Variants in DPYSL3 observed in about 807,000 individuals in gnomAD.
DPYSL3 encodes dihydropyrimidinase-related protein 3.
DPYSL3 carries 16 observed loss-of-function variants against 66.1 expected under a neutral mutation model. The ratio of observed to expected loss-of-function variants is 0.24; its 90% CI spans 0.16 to 0.37. The LOEUF (loss-of-function observed/expected upper bound fraction) is 0.37, where lower values mean the gene tolerates loss of function less well. DPYSL3 is among the 10% of genes least tolerant of loss of function. The probability of loss-of-function intolerance (pLI) is 1.00; values close to 1 mark genes in which losing one functional copy is unlikely to be tolerated. For missense variants in DPYSL3, 738 were observed against 916.2 expected, an observed-to-expected ratio of 0.81 and a Z score of 2.51; for synonymous variants, 338 against 345.1, an observed-to-expected ratio of 0.98 and a Z score of 0.23.
At chr5:147,471,871 T>G (rs545324849) in intron 1 of DPYSL3, among the ~76,000 whole-genome samples, 20 of 152,196 alleles carry the variant, frequency 1.3e-4, no homozygotes, top group African/African-American at 1.7e-4. Flanking sequence ...TATGCTTGCC[T>G]GCCATATGCC....
chr5:147,425,181 C>T (rs566404439), intron 1 of DPYSL3, among the ~76,000 whole-genome samples: 12 of 152,172 alleles, frequency 7.9e-5, no homozygotes, highest in Non-Finnish European at 1.6e-4. Flanking sequence ...TAGGGTTTCA[C>T]CTCTTGCTTC....
intron 1 of DPYSL3, among the ~76,000 whole-genome samples, chr5:147,478,323 G>C (rs1753189768): frequency 6.6e-6 from 1 of 152,176 alleles, no homozygotes; most frequent in African/African-American, 2.4e-5. Flanking sequence ...AGTTTTTTAA[G>C]CTGGGCACAT....
intron 1 of DPYSL3, among the ~76,000 whole-genome samples, chr5:147,497,331 C>T (rs1252998557): frequency 1.3e-5 from 2 of 151,902 alleles, no homozygotes; most frequent in African/African-American, 4.8e-5. Context: ...AGCATACCAG[C>T]ATGGCACATG....
At chr5:147,403,149 T>G (rs1343882719) in intron 8 of DPYSL3, among the ~76,000 whole-genome samples, 5 of 152,156 alleles carry the variant, frequency 3.3e-5, no homozygotes, top group Admixed American at 1.3e-4. Flanking sequence ...TAATTAGTAA[T>G]GTCTGCCATA....
rs532909454 is a variant in DPYSL3, at chr5:147,404,640, G to A, written c.1153+970C>T. Among the ~76,000 whole-genome samples the A allele has an allele frequency of 3.3e-5, 5 of 152,274 alleles. No homozygotes were observed. In the East Asian group the frequency reaches 5.8e-4, roughly 18 times the overall value. On this transcript the variant is annotated intron_variant, in intron 8 of 13. Coordinates refer to ENST00000343218, the MANE Select transcript of DPYSL3 (RefSeq NM_001197294.2). ...TACCCAGCCTCACAACTGAGCCCAC[G>A]AGTCTGACACTGAGGATGAGAACCA...
chr5:147,481,825 G>T (rs991067186), intron 1 of DPYSL3, among the ~76,000 whole-genome samples: 1 of 152,136 alleles, frequency 6.6e-6, no homozygotes, highest in African/African-American at 2.4e-5. Flanking sequence ...AGACATTCCA[G>T]GTTCCAGAAT....
At position 147,405,671 on chromosome 5, in the gene DPYSL3, G is replaced by C. The variant is rs1758308280; in HGVS notation, c.1092C>G (p.Leu364=). 2.5e-6 allele frequency: 4 copies of C among 1,614,120 alleles called. No individual in the cohort carries two copies. The highest frequency in any genetic ancestry group is 2.5e-6 in the Non-Finnish European group (3 of 1,179,992). Residue 364 remains leucine, a synonymous_variant, in exon 8 of 14, where the codon CTC becomes CTG. Coordinates refer to ENST00000343218, the MANE Select transcript of DPYSL3 (RefSeq NM_001197294.2). Reference sequence around the variant, plus strand: ...TCTTGCTCATGACCTTTGTGACGTAGAGAGGGCAATTGGTTTGGCTGGCAA... The same window carrying C: ...TCTTGCTCATGACCTTTGTGACGTACAGAGGGCAATTGGTTTGGCTGGCAA... ...ITIASQTNCP[L]YVTKVMSKSA...
intron 6 of DPYSL3, 89 bp from the exon 7 acceptor site, chr5:147,408,885 G>A: frequency 7.9e-7 from 1 of 1,267,140 alleles, no homozygotes. Context: ...AAGATCTAAA[G>A]AATAAATATG....
intron 1 of DPYSL3, among the ~76,000 whole-genome samples, chr5:147,451,937 T>C (rs749656792): frequency 4.6e-5 from 7 of 152,128 alleles, no homozygotes; most frequent in Non-Finnish European, 7.3e-5. Flanking sequence ...AGACCCACGA[T>C]GTTTCTTCAA....
chr5:147,482,020 A>G (rs1263561286), intron 1 of DPYSL3, among the ~76,000 whole-genome samples: 1 of 152,206 alleles, frequency 6.6e-6, no homozygotes, highest in Non-Finnish European at 1.5e-5. Flanking sequence ...AAGAGGAAGC[A>G]AAACTACTCT....
chr5:147,402,003 T>C (rs1407173460), intron 8 of DPYSL3: 1 of 253,630 alleles, frequency 3.9e-6, no homozygotes, highest in Non-Finnish European at 7.4e-6. Context: ...TCAAGATTCA[T>C]CCTCATTTCA....
chr5:147,470,641 T>A (rs1753072699), intron 1 of DPYSL3, among the ~76,000 whole-genome samples: 1 of 152,146 alleles, frequency 6.6e-6, no homozygotes. Flanking sequence ...TCTCTGTGGC[T>A]TCATCTTCTC....
At chr5:147,425,037 C>A in intron 1 of DPYSL3, 74 bp from the exon 2 acceptor site, 1 of 1,187,910 alleles carries the variant, frequency 8.4e-7, no homozygotes, top group East Asian at 2.4e-5. Flanking sequence ...AAGGTTTTCC[C>A]AATTCATTGT....
intron 11 of DPYSL3, among the ~76,000 whole-genome samples, chr5:147,398,317 A>G (rs775287038): frequency 3.3e-5 from 5 of 152,212 alleles, no homozygotes; most frequent in Admixed American, 6.5e-5. Flanking sequence ...GCATTACTGT[A>G]CTGCCAATAA....
chr5:147,418,328 C>T (rs906926188), intron 3 of DPYSL3, 119 bp downstream of exon 3: 50 of 1,053,970 alleles, frequency 4.7e-5, no homozygotes, highest in South Asian at 3.7e-4. Context: ...CATCAGGCAA[C>T]ACATCTATAA....
chr5:147,439,321 AG>A (rs1752484661), intron 1 of DPYSL3, among the ~76,000 whole-genome samples: 1 of 152,066 alleles, frequency 6.6e-6, no homozygotes, highest in African/African-American at 2.4e-5. Flanking sequence ...ATTTTCAAAG[AG>A]GGCATGTCTA....
In DPYSL3 at chr5:147,453,442, C is replaced by T. The variant is rs1042995291; in HGVS notation, c.382-28479G>A. The T allele has an allele frequency of 3.6e-6, 5 of 1,398,066 alleles. No individual in the cohort carries two copies. The African/African-American group carries it at 4.5e-5, about 13-fold the overall frequency. 86.6% of individuals were successfully genotyped at this position (1,398,066 alleles called of 1,614,324 possible). On this transcript the variant is annotated intron_variant, in intron 1 of 13. Transcript: ENST00000343218. ...CCCGGACCCCGGGTCTCCGTCCCTC[C>T]CCGGGGACCAGGCCAGAGAAGCCGG... is the stretch of plus-strand genomic sequence containing the variant.
intron 1 of DPYSL3, among the ~76,000 whole-genome samples, chr5:147,442,681 C>T (rs1458757041): frequency 6.6e-6 from 1 of 151,960 alleles, no homozygotes; most frequent in East Asian, 1.9e-4. Context: ...ATTCATTTAA[C>T]TAGATTTTCC....
intron 1 of DPYSL3, among the ~76,000 whole-genome samples, chr5:147,434,026 C>G (rs1752367272): frequency 9.9e-6 from 1 of 101,374 alleles, no homozygotes; most frequent in Non-Finnish European, 2.1e-5. Flanking sequence ...AAAACTCCGT[C>G]TCAAAAAAAA....
Sources: allele counts gnomAD v4.1 joint callset (sites outside exome capture counted in the v4.1 genomes callset), GRCh38; gene constraint gnomAD v4.1.1; transcripts MANE v1.5; gene names NCBI Gene and HGNC (gene_info 2026-07-23, HGNC 2026-07-21).